Variants in DLG2 observed in about 807,000 individuals in gnomAD.
DLG2 encodes the protein discs large MAGUK scaffold protein 2.
In DLG2, 45 loss-of-function variants were observed where a neutral mutation model predicts 132.5. That is an observed-to-expected ratio of 0.34 (90% confidence interval 0.27 to 0.44). DLG2 has a LOEUF of 0.44. DLG2 is among the 20% of genes least tolerant of loss of function. The probability of loss-of-function intolerance (pLI) is 1.00; values close to 1 mark genes in which losing one functional copy is unlikely to be tolerated. For synonymous variants in DLG2, 424 were observed against 419.6 expected, an observed-to-expected ratio of 1.01 and a Z score of -0.13; for missense variants, 1,045 against 1,196.9, an observed-to-expected ratio of 0.87 and a Z score of 1.87.
At position 85,464,512 on chromosome 11, in the gene DLG2, G is replaced by C. The variant is rs73503516; in HGVS notation, c.40+134145C>G. ...TGGGTGGAGCCACAGGATCAGCTGAGTTACAGGTCACAAGTTCGGGTGGCA... is the reference window on the plus strand; with the variant it reads ...TGGGTGGAGCCACAGGATCAGCTGACTTACAGGTCACAAGTTCGGGTGGCA... On this transcript the variant is annotated intron_variant, in intron 3 of 27. Transcript: ENST00000376104. 9.6e-3 allele frequency among the ~76,000 whole-genome samples: 1,457 copies of C among 152,124 alleles called. 21 individuals are homozygous for C. Among genetic ancestry groups the C allele is most frequent in the African/African-American group, 0.033 (1,375 of 41,492 alleles).
At chr11:85,346,745 G>T (rs376081455) in intron 3 of DLG2, among the ~76,000 whole-genome samples, 1 of 151,244 alleles carries the variant, frequency 6.6e-6, no homozygotes, top group Non-Finnish European at 1.5e-5. Context: ...TGGTTCAAAC[G>T]CCTGTGACAA....
chr11:84,436,881 A>C (rs1488005037), intron 7 of DLG2, among the ~76,000 whole-genome samples: 1 of 152,224 alleles, frequency 6.6e-6, no homozygotes, highest in Non-Finnish European at 1.5e-5. Flanking sequence ...GTGATAAGAT[A>C]CCAAGCACCC....
chr11:83,753,841 TATC>T (rs1335582525), intron 18 of DLG2, among the ~76,000 whole-genome samples: 301 of 11,252 alleles, frequency 0.027, 9 homozygotes, highest in African/African-American at 0.16. Context: ...ATATGATATA[TATC>T]ATATATATCA....
chr11:83,946,054 A>G (rs1054928683), intron 14 of DLG2, among the ~76,000 whole-genome samples: 18 of 146,878 alleles, frequency 1.2e-4, no homozygotes, highest in Non-Finnish European at 7.4e-5. Context: ...CAATGGCACA[A>G]TCAAGGCTCA....
chr11:85,041,531 T>TA (rs1440273790), intron 6 of DLG2, among the ~76,000 whole-genome samples: 1 of 151,856 alleles, frequency 6.6e-6, no homozygotes, highest in East Asian at 1.9e-4. Flanking sequence ...GGGAGTGGCA[T>TA]AAAAAAGGCT....
rs567310303 is a variant in DLG2, at chr11:84,611,804, G to A, written c.358-77073C>T. Among the ~76,000 whole-genome samples the A allele has an allele frequency of 5.9e-5, 9 of 152,194 alleles. No homozygotes were observed. In the South Asian group the frequency reaches 1.9e-3, roughly 32 times the overall value. On this transcript the variant is annotated intron_variant, in intron 6 of 27. Coordinates refer to ENST00000376104, the MANE Select transcript of DLG2 (RefSeq NM_001142699.3). Reference sequence around the variant, plus strand: ...TATACAATACCTTTATGCCAAAGATGTTCACTGCAATGTTGTTTATGCTAG... The same window carrying A: ...TATACAATACCTTTATGCCAAAGATATTCACTGCAATGTTGTTTATGCTAG...
intron 11 of DLG2, among the ~76,000 whole-genome samples, chr11:84,033,439 T>A (rs2095766552): frequency 6.6e-6 from 1 of 152,148 alleles, no homozygotes; most frequent in Admixed American, 6.5e-5. Flanking sequence ...ATTGCTGCAA[T>A]CTCGTAATAA....
At chr11:85,627,382 T>G (rs2082089554), upstream of DLG2, 1 of 152,074 alleles carries the variant, frequency 6.6e-6, no homozygotes, top group Non-Finnish European at 1.5e-5. Context: ...ATGGAGACAT[T>G]AAAGTGACAG....
At chr11:84,470,128 T>C (rs1273427888) in intron 7 of DLG2, among the ~76,000 whole-genome samples, 1 of 151,816 alleles carries the variant, frequency 6.6e-6, no homozygotes, top group East Asian at 1.9e-4. Context: ...ATATATGTGA[T>C]CAATCATTGT....
chr11:84,393,413 C>A (rs2098799824), intron 7 of DLG2, among the ~76,000 whole-genome samples: 1 of 152,108 alleles, frequency 6.6e-6, no homozygotes, highest in South Asian at 2.1e-4. Flanking sequence ...CAGCTAAGCA[C>A]TACTCTAACT....
intron 6 of DLG2, among the ~76,000 whole-genome samples, chr11:84,967,427 T>C (rs1281109948): frequency 6.6e-6 from 1 of 152,106 alleles, no homozygotes. Flanking sequence ...ATGCAAGCTG[T>C]TCTTTGGGGC....
intron 16 of DLG2, among the ~76,000 whole-genome samples, chr11:83,850,240 G>A (rs539357154): frequency 4.0e-5 from 6 of 151,092 alleles, no homozygotes; most frequent in African/African-American, 9.7e-5. Context: ...TGCAACCTCC[G>A]CTTCCCGGGT....
intron 22 of DLG2, among the ~76,000 whole-genome samples, chr11:83,476,827 T>C (rs2092657378): frequency 6.6e-6 from 1 of 152,096 alleles, no homozygotes; most frequent in Non-Finnish European, 1.5e-5. Context: ...GGGCTATTAA[T>C]GTAAAACATG....
intron 6 of DLG2, among the ~76,000 whole-genome samples, chr11:84,616,889 A>T (rs1258515412): frequency 6.6e-6 from 1 of 152,150 alleles, no homozygotes; most frequent in Non-Finnish European, 1.5e-5. Context: ...TGGGTAAACT[A>T]AAGCACAGGA....
intron 11 of DLG2, among the ~76,000 whole-genome samples, chr11:84,033,304 A>C (rs1325438630): frequency 6.6e-6 from 1 of 152,208 alleles, no homozygotes; most frequent in Non-Finnish European, 1.5e-5. Flanking sequence ...GAGTTTGAAA[A>C]AAGTTGATTC....
intron 18 of DLG2, among the ~76,000 whole-genome samples, chr11:83,690,461 A>C (rs1321471782): frequency 1.3e-5 from 2 of 152,008 alleles, no homozygotes; most frequent in African/African-American, 4.8e-5. Context: ...AAACAACCTA[A>C]ATGTAATGGC....
At chr11:83,712,842 G>C (rs1026174753) in intron 18 of DLG2, among the ~76,000 whole-genome samples, 12 of 152,078 alleles carry the variant, frequency 7.9e-5, no homozygotes, top group Non-Finnish European at 1.2e-4. Context: ...GCATCAGGAA[G>C]AATAGCTAAT....
chr11:84,371,101 T>C (rs186895448), intron 7 of DLG2, among the ~76,000 whole-genome samples: 1 of 152,248 alleles, frequency 6.6e-6, no homozygotes, highest in East Asian at 1.9e-4. Context: ...GAATAATGTT[T>C]CTACTGGTTC....
At chr11:84,277,541 T>A (rs2097794032) in intron 7 of DLG2, among the ~76,000 whole-genome samples, 1 of 152,136 alleles carries the variant, frequency 6.6e-6, no homozygotes, top group African/African-American at 2.4e-5. Context: ...TAAACTACAA[T>A]ATATTGAATT....
Sources: gnomAD v4.1 joint callset for allele counts (sites outside exome capture counted in the v4.1 genomes callset) on GRCh38, gnomAD v4.1.1 for gene constraint, MANE v1.5 for transcripts, NCBI Gene and HGNC (gene_info 2026-07-23, HGNC 2026-07-21) for gene names.